The following DNAJB1 variants were observed in gnomAD, a reference collection of about 807,000 sequenced individuals.
DNAJB1 encodes the protein dnaJ homolog subfamily B member 1.
In DNAJB1, 14 loss-of-function variants were observed where a neutral mutation model predicts 24.0. That is an observed-to-expected ratio of 0.58 (90% CI 0.39 to 0.91). DNAJB1 has a LOEUF of 0.91. Ranked by LOEUF, DNAJB1 falls within the 40% of genes least tolerant of loss-of-function variation. The probability of loss-of-function intolerance (pLI) is 0.00; values close to 1 mark genes in which losing one functional copy is unlikely to be tolerated. For missense variants in DNAJB1, 517 were observed against 458.1 expected, an observed-to-expected ratio of 1.13 and a Z score of -1.17; for synonymous variants, 262 against 174.4, an observed-to-expected ratio of 1.50 and a Z score of -3.96.
At position 14,516,909 on chromosome 19, in the gene DNAJB1, C is replaced by T. The variant is rs1162923772; in HGVS notation, c.349G>A (p.Gly117Arg). ...GGRNPFDTFF[G>R]QRNGEEGMDI... ...ATGCCTTCCTCCCCGTTCCGCTGCC[C>T]AAAAAAGGTGTCAAAGGGATTTCTG... The change falls in exon 2 of 3, where the codon GGG becomes AGG. Residue 117 changes from glycine to arginine, a missense_variant. By Grantham distance (125) the Gly-to-Arg change is moderately radical. Transcript: ENST00000254322. The T allele has an allele frequency of 1.9e-6, 3 of 1,613,758 alleles. No homozygotes were observed. The highest frequency in any genetic ancestry group is 1.3e-5 in the African/African-American group (1 of 74,852).
chr19:14,539,329 C>G (rs1279701100), intron 1 of DNAJB1, among the ~76,000 whole-genome samples: 1 of 151,970 alleles, frequency 6.6e-6, no homozygotes, highest in Non-Finnish European at 1.5e-5. Context: ...CTCTTTCCTT[C>G]TTCATGGGAA....
intron 1 of DNAJB1, among the ~76,000 whole-genome samples, chr19:14,550,168 T>C (rs1475573324): frequency 2.0e-5 from 3 of 152,072 alleles, no homozygotes; most frequent in Non-Finnish European, 4.4e-5. Context: ...TAACAGGGCC[T>C]GGCATGTGTC....
At chr19:14,535,492 G>A (rs1231424649) in intron 1 of DNAJB1, among the ~76,000 whole-genome samples, 62 of 100,408 alleles carry the variant, frequency 6.2e-4, no homozygotes, top group African/African-American at 2.5e-3. Context: ...GGGCGACAGA[G>A]CGAGACTCCG....
intron 1 of DNAJB1, among the ~76,000 whole-genome samples, chr19:14,557,330 G>A (rs953168026): frequency 1.3e-5 from 2 of 150,666 alleles, no homozygotes; most frequent in African/African-American, 2.4e-5. Flanking sequence ...TATTAGAGAC[G>A]GGGTTTCACC....
At chr19:14,541,103 G>A (rs531708059) in intron 1 of DNAJB1, among the ~76,000 whole-genome samples, 97 of 152,304 alleles carry the variant, frequency 6.4e-4, no homozygotes, top group South Asian at 2.7e-3. Flanking sequence ...TGGGATTACA[G>A]GTGTGAGCCA....
At chr19:14,550,496 G>A (rs552454182), upstream of DNAJB1, among the ~76,000 whole-genome samples, 310 of 152,154 alleles carry the variant, frequency 2.0e-3, no homozygotes, top group Non-Finnish European at 2.2e-3. Context: ...TTCCTGGTCC[G>A]ACAGCGCCTT....
intron 2 of DNAJB1, among the ~76,000 whole-genome samples, chr19:14,525,998 G>C (rs1456424151): frequency 6.6e-6 from 1 of 152,048 alleles, no homozygotes; most frequent in Admixed American, 6.6e-5. Flanking sequence ...GCCAAGCCAG[G>C]TTCTGGAAAA....
upstream of DNAJB1, among the ~76,000 whole-genome samples, chr19:14,555,026 G>A (rs1344362161): frequency 6.6e-6 from 1 of 150,548 alleles, no homozygotes; most frequent in Admixed American, 6.6e-5. Flanking sequence ...ATCTGCCCAC[G>A]TCCGCCTCCC....
upstream of DNAJB1, among the ~76,000 whole-genome samples, chr19:14,522,954 C>T (rs2072379379): frequency 6.6e-6 from 1 of 152,116 alleles, no homozygotes; most frequent in African/African-American, 2.4e-5. Context: ...TGGCTCATGC[C>T]TGTAATCCCA....
At chr19:14,550,954 G>T (rs941442109), upstream of DNAJB1, among the ~76,000 whole-genome samples, 4 of 151,858 alleles carry the variant, frequency 2.6e-5, no homozygotes, top group African/African-American at 4.8e-5. Flanking sequence ...TTACAGGCAT[G>T]AACTACCACA....
At chr19:14,547,713 C>T (rs974244581) in intron 1 of DNAJB1, among the ~76,000 whole-genome samples, 59 of 149,702 alleles carry the variant, frequency 3.9e-4, no homozygotes, top group African/African-American at 1.4e-3. Context: ...GGTTGGAGTG[C>T]AATGGTGCTA....
chr19:14,543,685 G>T (rs1356976591), intron 1 of DNAJB1, among the ~76,000 whole-genome samples: 1 of 149,570 alleles, frequency 6.7e-6, no homozygotes, highest in Non-Finnish European at 1.5e-5. Flanking sequence ...TGATCCTCCC[G>T]CCTCGGCCTC....
chr19:14,530,399 C>T (rs971462513), upstream of DNAJB1: 2 of 152,378 alleles, frequency 1.3e-5, no homozygotes, highest in African/African-American at 2.4e-5. Flanking sequence ...GCTTATCGCC[C>T]TAGGTGATAA....
At chr19:14,557,910 C>T (rs373653925) in intron 1 of DNAJB1, among the ~76,000 whole-genome samples, 43 of 152,054 alleles carry the variant, frequency 2.8e-4, no homozygotes, top group Admixed American at 1.3e-3. Flanking sequence ...CACCCACCAC[C>T]GCACCCGGCT....
At chr19:14,528,599 C>T (rs1209486347) in intron 1 of DNAJB1, among the ~76,000 whole-genome samples, 2 of 152,020 alleles carry the variant, frequency 1.3e-5, no homozygotes, top group African/African-American at 2.4e-5. Context: ...CGATTCTGGA[C>T]GTCAGGCAGA....
At chr19:14,553,778 T>G (rs1258375031), upstream of DNAJB1, among the ~76,000 whole-genome samples, 1 of 152,108 alleles carries the variant, frequency 6.6e-6, no homozygotes, top group Non-Finnish European at 1.5e-5. Context: ...ACCTCTATGC[T>G]GGGCATTGGC....
intron 1 of DNAJB1, among the ~76,000 whole-genome samples, chr19:14,550,161 CAG>C (rs1388413013): frequency 6.6e-6 from 1 of 152,066 alleles, no homozygotes; most frequent in Non-Finnish European, 1.5e-5. Flanking sequence ...CAGTCCTTAA[CAG>C]GGCCTGGCAT....
upstream of DNAJB1, chr19:14,518,491 G>A (rs1456045324): frequency 1.1e-5 from 6 of 528,592 alleles, no homozygotes; most frequent in African/African-American, 2.6e-4. Flanking sequence ...GCCCGCCCCC[G>A]CGGCGCCGGC....
At chr19:14,529,512 A>T (rs1338335867), upstream of DNAJB1, 1 of 773,556 alleles carries the variant, frequency 1.3e-6, no homozygotes, top group African/African-American at 1.7e-5. Context: ...CCCAAGGAGC[A>T]GGGGCGAACG....
Sources: allele counts gnomAD v4.1 joint callset (sites outside exome capture counted in the v4.1 genomes callset), GRCh38; gene constraint gnomAD v4.1.1; transcripts MANE v1.5; gene names NCBI Gene and HGNC (gene_info 2026-07-23, HGNC 2026-07-21).